Variants in RFTN1 observed in about 807,000 individuals in gnomAD.
The protein encoded by RFTN1 is raftlin, lipid raft linker 1.
In RFTN1, 26 loss-of-function variants were observed where a neutral mutation model predicts 46.5. That is an observed-to-expected ratio of 0.56 (90% CI 0.41 to 0.78). The LOEUF (loss-of-function observed/expected upper bound fraction) is 0.78, where lower values mean the gene tolerates loss of function less well. Among genes scored for constraint, RFTN1 ranks in the 30% least tolerant of loss-of-function variants. The pLI is 0.00. For missense variants in RFTN1, 693 were observed against 718.7 expected, an observed-to-expected ratio of 0.96 and a Z score of 0.41; for synonymous variants, 261 against 284.2, an observed-to-expected ratio of 0.92 and a Z score of 0.82.
intron 4 of RFTN1, among the ~76,000 whole-genome samples, chr3:16,397,092 A>G (rs2125413693): frequency 6.6e-6 from 1 of 150,750 alleles, no homozygotes; most frequent in African/African-American, 2.4e-5. Context: ...AAAAAGAGAG[A>G]GAGAAGAAAA....
At chr3:16,472,148 TAA>T (rs1003117787) in intron 2 of RFTN1, 2 of 151,176 alleles carry the variant, frequency 1.3e-5, no homozygotes, top group African/African-American at 4.9e-5. Flanking sequence ...CTTGAGGAGT[TAA>T]AGAGGAAAAG....
In RFTN1 at chr3:16,433,805, A is replaced by G. The variant is rs199799099; in HGVS notation, c.332+46T>C. On this transcript the variant is annotated intron_variant, in intron 3 of 9. Transcript: ENST00000334133. This position sits in a 1 kb window ranked among gnomAD's most constrained non-coding sequence, Gnocchi z 4.4. ...CACTTCCCCTCCTCTATTGAGCATA[A>G]CTTAGCCGCAACAGGATGCTACCCA... is the stretch of plus-strand genomic sequence containing the variant. 191 of 1,594,602 alleles carry G rather than the reference A, an allele frequency of 1.2e-4. 1 individual carries two copies. In the East Asian group the frequency reaches 3.7e-3, roughly 31 times the overall value.
rs975007052 is a variant in RFTN1, at chr3:16,345,834, G to A, written c.1146+12098C>T. On this transcript the variant is annotated intron_variant, in intron 7 of 9. Transcript: ENST00000334133. This position sits in a 1 kb window ranked among gnomAD's most constrained non-coding sequence, Gnocchi z 5.2. The stretch of plus-strand genomic sequence containing the variant: ...TGTGTGTGTGCGCGCGCGCGTGCGC[G>A]CACGCGCACATGTGCATGTGTATGT... Among the ~76,000 whole-genome samples, 63 of 65,304 alleles carry A rather than the reference G, an allele frequency of 9.6e-4. 1 individual carries two copies. The highest frequency in any genetic ancestry group is 3.3e-3 in the African/African-American group (57 of 17,346). The allele number at this position is 65,304 out of a possible 152,430, so 42.8% of individuals were successfully genotyped here.
chr3:16,463,640 A>G (rs905257136), intron 2 of RFTN1, among the ~76,000 whole-genome samples: 2 of 152,040 alleles, frequency 1.3e-5, no homozygotes, highest in Non-Finnish European at 2.9e-5. Flanking sequence ...CTTTTTTGCT[A>G]AATATAATTC....
At position 16,440,226 on chromosome 3, in the gene RFTN1, G is replaced by A. The variant is rs923267678; in HGVS notation, c.146-6189C>T. ...GTTTTTATCTACAGTGATCACACTC[G>A]CCTCATCTGGGAAGGACACCCACGT... On this transcript the variant is annotated intron_variant, in intron 2 of 9. Transcript: ENST00000334133. This position sits in a 1 kb window ranked among gnomAD's most constrained non-coding sequence, Gnocchi z 4.6. Among the ~76,000 whole-genome samples, 3 of 152,034 alleles carry A rather than the reference G, an allele frequency of 2.0e-5. No individual in the cohort carries two copies. Among genetic ancestry groups the A allele is most frequent in the East Asian group, 1.9e-4 (1 of 5,192 alleles).
chr3:16,327,310 A>G lies in RFTN1; in HGVS notation c.1147-434T>C, dbSNP rs2069805286. Among the ~76,000 whole-genome samples the G allele has an allele frequency of 6.6e-6, 1 of 152,218 alleles. No individual in the cohort carries two copies. Among genetic ancestry groups the G allele is most frequent in the African/African-American group, 2.4e-5 (1 of 41,448 alleles). ...ACAAATGATCAAGTCGTTTATGTCC[A>G]GCCACAGCAACACACACATGCACAT... is the stretch of plus-strand genomic sequence containing the variant. On this transcript the variant is annotated intron_variant, in intron 7 of 9. Transcript: ENST00000334133. The surrounding 1 kb of genome is among the most constrained non-coding windows in gnomAD (Gnocchi z 4.2).
chr3:16,363,710 GTGTTAC>G (rs1392565727), intron 6 of RFTN1, among the ~76,000 whole-genome samples: 1 of 152,240 alleles, frequency 6.6e-6, no homozygotes, highest in African/African-American at 2.4e-5. Context: ...TAAAGACAAA[GTGTTAC>G]TGTTCTCCTT....
At chr3:16,482,789 C>T (rs1300205395) in intron 2 of RFTN1, 1 of 1,536,030 alleles carries the variant, frequency 6.5e-7, no homozygotes, top group East Asian at 2.4e-5. Context: ...ACATCAGCTG[C>T]AGGGATCCCC....
At chr3:16,491,318 G>A (rs570776848) in intron 2 of RFTN1, among the ~76,000 whole-genome samples, 11 of 152,218 alleles carry the variant, frequency 7.2e-5, no homozygotes, top group East Asian at 1.9e-4. Flanking sequence ...TCAAAGCAGC[G>A]GAACACCAAA....
At position 16,506,577 on chromosome 3, in the gene RFTN1, A is replaced by C. The variant is rs1365845844; in HGVS notation, c.-9+6865T>G. ...AGGGGATGAGCAAAAGAGGGCATCCAAGACACCTCTAGGGTTGGTCACCAG... is the reference window on the plus strand; with the variant it reads ...AGGGGATGAGCAAAAGAGGGCATCCCAGACACCTCTAGGGTTGGTCACCAG... On this transcript the variant is annotated intron_variant, in intron 1 of 9. Coordinates refer to ENST00000334133, the MANE Select transcript of RFTN1 (RefSeq NM_015150.2). The surrounding 1 kb of genome is among the most constrained non-coding windows in gnomAD (Gnocchi z 4.8). Among the ~76,000 whole-genome samples the C allele has an allele frequency of 6.6e-6, 1 of 152,084 alleles. No homozygotes were observed. Among genetic ancestry groups the C allele is most frequent in the African/African-American group, 2.4e-5 (1 of 41,402 alleles).
rs902324438 is a variant in RFTN1, at chr3:16,440,694, G to A, written c.146-6657C>T. Among the ~76,000 whole-genome samples the A allele has an allele frequency of 2.0e-5, 3 of 151,908 alleles. No homozygotes were observed. The highest frequency in any genetic ancestry group is 7.3e-5 in the African/African-American group (3 of 41,234). ...CAAGATGGTTACTGCTAATGGGGGGGGGGCCCAATGGTGCCAGAACTTCTA... is the reference window on the plus strand; with the variant it reads ...CAAGATGGTTACTGCTAATGGGGGGAGGGCCCAATGGTGCCAGAACTTCTA... On this transcript the variant is annotated intron_variant, in intron 2 of 9. Transcript: ENST00000334133. The surrounding 1 kb of genome is among the most constrained non-coding windows in gnomAD (Gnocchi z 4.6).
At chr3:16,386,548 C>T (rs762655724) in intron 4 of RFTN1, among the ~76,000 whole-genome samples, 8 of 152,220 alleles carry the variant, frequency 5.3e-5, no homozygotes, top group South Asian at 4.1e-4. Context: ...CTACCTGTTA[C>T]GCTGCTCAGC....
At chr3:16,349,111 G>C (rs1363951090) in intron 7 of RFTN1, 1 of 152,252 alleles carries the variant, frequency 6.6e-6, no homozygotes, top group Non-Finnish European at 1.5e-5. Context: ...TATGGGAAGG[G>C]AAATGACTTA....
chr3:16,480,576 G>T lies in RFTN1; in HGVS notation c.145+13149C>A, dbSNP rs1575351545. 6.6e-6 allele frequency among the ~76,000 whole-genome samples: 1 copy of T among 152,194 alleles called. No homozygotes were observed. Among genetic ancestry groups the T allele is most frequent in the African/African-American group, 2.4e-5 (1 of 41,456 alleles). Reference sequence around the variant, plus strand: ...CTTCTAGACTTAATGACAGTGGCATGCAACTTGAGGCCAGAATCACCTACC... The same window carrying T: ...CTTCTAGACTTAATGACAGTGGCATTCAACTTGAGGCCAGAATCACCTACC... On this transcript the variant is annotated intron_variant, in intron 2 of 9. Coordinates refer to ENST00000334133, the MANE Select transcript of RFTN1 (RefSeq NM_015150.2). This position sits in a 1 kb window ranked among gnomAD's most constrained non-coding sequence, Gnocchi z 4.3.
Position 16,370,228 on chromosome 3 carries a change from C to T in RFTN1, c.878G>A (p.Arg293Gln), listed in dbSNP as rs780208345. 2.0e-5 allele frequency: 32 copies of T among 1,614,022 alleles called. No homozygotes were observed. Among genetic ancestry groups the T allele is most frequent in the African/African-American group, 2.7e-5 (2 of 74,908 alleles). Reference protein sequence around the residue: ...FNKPKSHQKCRQYYPVTIPLH... With the variant: ...FNKPKSHQKCQQYYPVTIPLH... The stretch of plus-strand genomic sequence containing the variant: ...AGGAATGGTGACAGGGTAGTATTGC[C>T]GGCACTTCTGATGGCTCTTCGGTTT... The change falls in exon 6 of 10, where the codon CGG (arginine) becomes CAG (glutamine). Residue 293 changes from arginine to glutamine, a missense_variant. Arg to Gln is a conservative substitution (Grantham distance 43). Transcript: ENST00000334133. This position sits in a 1 kb window ranked among gnomAD's most constrained non-coding sequence, Gnocchi z 5.5.
Position 16,451,758 on chromosome 3 carries a change from A to C in RFTN1, c.146-17721T>G, listed in dbSNP as rs1211430626. Among the ~76,000 whole-genome samples the C allele has an allele frequency of 1.3e-5, 2 of 152,090 alleles. No homozygotes were observed. Among genetic ancestry groups the C allele is most frequent in the Non-Finnish European group, 2.9e-5 (2 of 68,016 alleles). On this transcript the variant is annotated intron_variant, in intron 2 of 9. Transcript: ENST00000334133. The surrounding 1 kb of genome is among the most constrained non-coding windows in gnomAD (Gnocchi z 4.2). ...TTTTTTTTTCCTTCCTCACAATTTC[A>C]TAGATGGAAGATTCATTCTTACCTT...
At chr3:16,412,939 T>C (rs892910456) in intron 3 of RFTN1, among the ~76,000 whole-genome samples, 64 of 152,338 alleles carry the variant, frequency 4.2e-4, no homozygotes, top group African/African-American at 1.4e-3. Context: ...CTTTCCTCAG[T>C]TGAGCCTCTG....
intron 2 of RFTN1, among the ~76,000 whole-genome samples, chr3:16,455,969 C>T (rs1390897536): frequency 6.6e-6 from 1 of 151,328 alleles, no homozygotes; most frequent in Non-Finnish European, 1.5e-5. Flanking sequence ...ACCTCCCTCC[C>T]ACCGCCCCCA....
chr3:16,485,398 A>C (rs2076432522), intron 2 of RFTN1, among the ~76,000 whole-genome samples: 1 of 152,220 alleles, frequency 6.6e-6, no homozygotes, highest in Non-Finnish European at 1.5e-5. Context: ...CCATATATAC[A>C]ACAGCAAGGA....
Sources: gnomAD v4.1 joint callset for allele counts (sites outside exome capture counted in the v4.1 genomes callset) on GRCh38, gnomAD v4.1.1 for gene constraint, Gnocchi (gnomAD v3.1) non-coding constraint, MANE v1.5 for transcripts, NCBI Gene and HGNC (gene_info 2026-07-23, HGNC 2026-07-21) for gene names.